The following FBXL7 variants were observed in gnomAD, a reference collection of about 807,000 sequenced individuals.
FBXL7 encodes F-box/LRR-repeat protein 7.
FBXL7 carries 12 observed loss-of-function variants against 38.3 expected under a neutral mutation model. The observed-to-expected ratio is 0.31, with a 90% confidence interval of 0.20 to 0.51. FBXL7 has a LOEUF of 0.51. Among genes scored for constraint, FBXL7 ranks in the 20% least tolerant of loss-of-function variants. The probability of loss-of-function intolerance (pLI) is 0.98; values close to 1 mark genes in which losing one functional copy is unlikely to be tolerated. For missense variants in FBXL7, 567 were observed against 676.4 expected (o/e 0.84, Z 1.79); for synonymous variants, 297 against 300.9 (o/e 0.99, Z 0.13).
At position 15,937,037 on chromosome 5, in the gene FBXL7, G is replaced by T. The variant is rs372542529; in HGVS notation, c.1327G>T (p.Gly443Cys). 6.2e-7 allele frequency: 1 copy of T among 1,613,856 alleles called. No homozygotes were observed. The highest frequency in any genetic ancestry group is 8.5e-7 in the Non-Finnish European group (1 of 1,179,904). The change falls in exon 4 of 4, where the codon GGC becomes TGC. Residue 443 changes from glycine to cysteine, a missense_variant. Physicochemically the swap from Gly to Cys is radical, Grantham distance 159 (BLOSUM62 -3). Coordinates refer to ENST00000504595, the MANE Select transcript of FBXL7 (RefSeq NM_012304.5). ...LSLKSCESIT[G>C]QGLQIVAANC... ...CCTCAAGTCCTGCGAGAGCATCACC[G>T]GCCAGGGCTTGCAGATCGTGGCCGC...
rs569431254 is a variant in FBXL7 at position 15,681,100 on chromosome 5, A to G, written c.127+65028A>G. ...AAGAAATATACAGATCATGTGTAGA[A>G]CATGACAGATCTGGTAGGTATATAA... On this transcript the variant is annotated intron_variant, in intron 2 of 3. Coordinates refer to ENST00000504595, the MANE Select transcript of FBXL7 (RefSeq NM_012304.5). Among the ~76,000 whole-genome samples the G allele has an allele frequency of 5.9e-5, 9 of 152,314 alleles. 1 individual carries two copies. The South Asian group carries it at 1.9e-3, about 32-fold the overall frequency.
chr5:15,693,468 G>T (rs888089244), intron 2 of FBXL7, among the ~76,000 whole-genome samples: 1 of 152,166 alleles, frequency 6.6e-6, no homozygotes, highest in African/African-American at 2.4e-5. Context: ...TGATACAGGC[G>T]GTGGGCCGGG....
chr5:15,740,466 C>T (rs897402732), intron 2 of FBXL7, among the ~76,000 whole-genome samples: 5 of 152,198 alleles, frequency 3.3e-5, no homozygotes, highest in Admixed American at 3.3e-4. Flanking sequence ...AATATATCCA[C>T]TGCTCCCCCA....
chr5:15,653,762 TAATG>T (rs1240993493), intron 2 of FBXL7, among the ~76,000 whole-genome samples: 2 of 152,220 alleles, frequency 1.3e-5, no homozygotes, highest in African/African-American at 4.8e-5. Context: ...TGGAAAAAGT[TAATG>T]AAATGAAAAG....
At chr5:15,546,005 G>A (rs765329126) in intron 1 of FBXL7, among the ~76,000 whole-genome samples, 3 of 152,084 alleles carry the variant, frequency 2.0e-5, no homozygotes, top group South Asian at 2.1e-4. Context: ...TTTTCAAAAC[G>A]TAGTATGAAA....
intron 2 of FBXL7, among the ~76,000 whole-genome samples, chr5:15,921,412 A>G (rs1741738346): frequency 6.6e-6 from 1 of 150,928 alleles, no homozygotes; most frequent in African/African-American, 2.4e-5. Context: ...AACCAGCAGT[A>G]TCCCTTTTGC....
At chr5:15,871,857 C>T (rs1483993298) in intron 2 of FBXL7, among the ~76,000 whole-genome samples, 1 of 152,136 alleles carries the variant, frequency 6.6e-6, no homozygotes, top group Non-Finnish European at 1.5e-5. Context: ...AGTTGGAAAA[C>T]ACACTTCAGG....
intron 1 of FBXL7, among the ~76,000 whole-genome samples, chr5:15,539,206 A>C (rs1175666018): frequency 6.6e-6 from 1 of 152,246 alleles, no homozygotes; most frequent in South Asian, 2.1e-4. Flanking sequence ...GCCCAACAGC[A>C]AATGACTTAG....
At chr5:15,551,701 T>A (rs929294152) in intron 1 of FBXL7, among the ~76,000 whole-genome samples, 1 of 152,224 alleles carries the variant, frequency 6.6e-6, no homozygotes, top group Non-Finnish European at 1.5e-5. Flanking sequence ...AAAAAATCCA[T>A]TTTATGCCTC....
In FBXL7 at chr5:15,605,908, G is replaced by A. The variant is rs539839725; in HGVS notation, c.38-10075G>A. ...ACCCAGTAGAATGACAGCATCTTAG[G>A]GGAAGAGACCCTGTCCCAAGTCAAG... On this transcript the variant is annotated intron_variant, in intron 1 of 3. Transcript: ENST00000504595. 5.8e-4 allele frequency among the ~76,000 whole-genome samples: 88 copies of A among 152,260 alleles called. 1 individual carries two copies. The South Asian group carries it at 0.018, about 31-fold the overall frequency.
In FBXL7 at chr5:15,642,304, A is replaced by G. The variant is rs1229921189; in HGVS notation, c.127+26232A>G. On this transcript the variant is annotated intron_variant, in intron 2 of 3. Transcript: ENST00000504595. ...GTTTGTTACAAAACTGAGAAAATTAAACCTCTTGGGAAATGGCCAGGATAT... is the reference window on the plus strand; with the variant it reads ...GTTTGTTACAAAACTGAGAAAATTAGACCTCTTGGGAAATGGCCAGGATAT... 2.0e-5 allele frequency among the ~76,000 whole-genome samples: 3 copies of G among 152,266 alleles called. No homozygotes were observed. In the East Asian group the frequency reaches 5.8e-4, roughly 29 times the overall value.
chr5:15,685,498 A>G (rs573712366), intron 2 of FBXL7, among the ~76,000 whole-genome samples: 5 of 152,302 alleles, frequency 3.3e-5, no homozygotes, highest in Admixed American at 1.3e-4. Flanking sequence ...AAATGAATGG[A>G]ACCTAGTATA....
chr5:15,822,705 C>T (rs1037580908), intron 2 of FBXL7, among the ~76,000 whole-genome samples: 1 of 149,214 alleles, frequency 6.7e-6, no homozygotes. Flanking sequence ...TTAGCAGGTA[C>T]CATGCACTGT....
chr5:15,737,509 A>G (rs35033534), intron 2 of FBXL7, among the ~76,000 whole-genome samples: 1 of 152,208 alleles, frequency 6.6e-6, no homozygotes, highest in Non-Finnish European at 1.5e-5. Flanking sequence ...AAAGAGTGTC[A>G]CTTTGCATGA....
At chr5:15,605,482 C>G (rs1484056902) in intron 1 of FBXL7, among the ~76,000 whole-genome samples, 1 of 152,090 alleles carries the variant, frequency 6.6e-6, no homozygotes, top group African/African-American at 2.4e-5. Context: ...AAGCTAGATA[C>G]AGAAGAAATA....
chr5:15,917,644 G>GGAAGGAA (rs1554034053), intron 2 of FBXL7, among the ~76,000 whole-genome samples: 2 of 91,022 alleles, frequency 2.2e-5, no homozygotes, highest in Non-Finnish European at 4.6e-5. Flanking sequence ...AAGGAAGGGA[G>GGAAGGAA]GGAAGGAAGG....
At chr5:15,933,036 A>T (rs1042669190) in intron 3 of FBXL7, among the ~76,000 whole-genome samples, 1 of 152,206 alleles carries the variant, frequency 6.6e-6, no homozygotes, top group Non-Finnish European at 1.5e-5. Flanking sequence ...TCATCTTGAA[A>T]AAAAATGATG....
chr5:15,848,080 G>A lies in FBXL7; in HGVS notation c.128-79810G>A, dbSNP rs549204195. 4.6e-5 allele frequency among the ~76,000 whole-genome samples: 7 copies of A among 152,276 alleles called. No individual in the cohort carries two copies. The East Asian group carries it at 1.4e-3, about 29-fold the overall frequency. ...ATAAATAGCTTTGTTTAAAGCCGTT[G>A]AGTTTATGATAATTATTTACACAGC... On this transcript the variant is annotated intron_variant, in intron 2 of 3. Coordinates refer to ENST00000504595, the MANE Select transcript of FBXL7 (RefSeq NM_012304.5).
chr5:15,583,152 T>A (rs377053911), intron 1 of FBXL7, among the ~76,000 whole-genome samples: 1 of 152,098 alleles, frequency 6.6e-6, no homozygotes, highest in East Asian at 1.9e-4. Flanking sequence ...AACTGCCACT[T>A]ATAAAAACAT....
Sources: gnomAD v4.1 joint callset for allele counts (sites outside exome capture counted in the v4.1 genomes callset) on GRCh38, gnomAD v4.1.1 for gene constraint, MANE v1.5 for transcripts, NCBI Gene and HGNC (gene_info 2026-07-23, HGNC 2026-07-21) for gene names.